PDE7B: variants seen among roughly 807,000 people sequenced by gnomAD.
PDE7B encodes the protein 3',5'-cyclic-AMP phosphodiesterase 7B.
In PDE7B, 29 loss-of-function variants were observed where a neutral mutation model predicts 56.2. The ratio of observed to expected loss-of-function variants is 0.52; its 90% CI spans 0.38 to 0.70. The LOEUF is 0.70. Ranked by LOEUF, PDE7B falls within the 30% of genes least tolerant of loss-of-function variation. The pLI is 0.00. For missense variants in PDE7B, 490 were observed against 565.0 expected (o/e 0.87, Z 1.35); for synonymous variants, 197 against 196.9 (o/e 1.00, Z 0.00).
intron 2 of PDE7B, among the ~76,000 whole-genome samples, chr6:136,053,401 T>C (rs1776669349): frequency 6.6e-6 from 1 of 152,148 alleles, no homozygotes; most frequent in Non-Finnish European, 1.5e-5. Flanking sequence ...TCATTTTTTA[T>C]GGCTGCATAG....
intron 1 of PDE7B, among the ~76,000 whole-genome samples, chr6:135,912,844 AAG>A (rs1368737692): frequency 6.6e-6 from 1 of 152,154 alleles, no homozygotes; most frequent in Non-Finnish European, 1.5e-5. Flanking sequence ...TTTACAGATA[AAG>A]AATGAGGCCC....
At chr6:135,858,517 C>A (rs763871818) in intron 1 of PDE7B, among the ~76,000 whole-genome samples, 1 of 152,098 alleles carries the variant, frequency 6.6e-6, no homozygotes, top group Non-Finnish European at 1.5e-5. Context: ...TAAATTTCTC[C>A]CATGTACCTT....
chr6:136,148,135 G>A (rs753453402), intron 4 of PDE7B, among the ~76,000 whole-genome samples: 1 of 152,032 alleles, frequency 6.6e-6, no homozygotes, highest in African/African-American at 2.4e-5. Context: ...AACAGAAGTC[G>A]AAGATAGATT....
At chr6:135,925,032 T>A in intron 1 of PDE7B, among the ~76,000 whole-genome samples, 1 of 151,290 alleles carries the variant, frequency 6.6e-6, no homozygotes, top group Non-Finnish European at 1.5e-5. Flanking sequence ...GAAAATCTTG[T>A]TTCATATGAA....
intron 2 of PDE7B, among the ~76,000 whole-genome samples, chr6:136,096,681 G>GT (rs1777475787): frequency 6.6e-6 from 1 of 151,704 alleles, no homozygotes; most frequent in African/African-American, 2.4e-5. Flanking sequence ...TTATTCTTAA[G>GT]ATCAGCATAA....
At chr6:135,876,100 G>A (rs1339744124) in intron 1 of PDE7B, among the ~76,000 whole-genome samples, 1 of 152,188 alleles carries the variant, frequency 6.6e-6, no homozygotes, top group East Asian at 1.9e-4. Context: ...GGAGGGAGAA[G>A]AAAGGAATAT....
chr6:136,155,162 C>A (rs1021807583), intron 7 of PDE7B, among the ~76,000 whole-genome samples: 7 of 152,190 alleles, frequency 4.6e-5, no homozygotes, highest in Non-Finnish European at 1.0e-4. Flanking sequence ...GCAGATCTTG[C>A]AAGTCGGCCC....
intron 2 of PDE7B, among the ~76,000 whole-genome samples, chr6:135,982,114 C>G (rs1341642850): frequency 2.0e-5 from 3 of 152,162 alleles, no homozygotes; most frequent in Non-Finnish European, 4.4e-5. Flanking sequence ...CTGACCCCCC[C>G]TCTTTCTAGG....
At chr6:135,865,392 C>T (rs367958530) in intron 1 of PDE7B, among the ~76,000 whole-genome samples, 38 of 152,102 alleles carry the variant, frequency 2.5e-4, no homozygotes, top group African/African-American at 6.8e-4. Flanking sequence ...TGATATTCTT[C>T]GGTCTTAAAA....
chr6:135,954,848 G>A (rs1229593502), intron 2 of PDE7B, among the ~76,000 whole-genome samples: 5 of 152,148 alleles, frequency 3.3e-5, no homozygotes, highest in African/African-American at 1.2e-4. Context: ...CTTGAAGGTT[G>A]CTTTCTGTGG....
intron 8 of PDE7B, among the ~76,000 whole-genome samples, chr6:136,163,755 C>T (rs1199397356): frequency 6.6e-6 from 1 of 152,200 alleles, no homozygotes. Context: ...GTTCAAAGTT[C>T]CACTGATCTC....
chr6:136,080,812 A>G (rs1777194513), intron 2 of PDE7B, among the ~76,000 whole-genome samples: 1 of 152,224 alleles, frequency 6.6e-6, no homozygotes, highest in Non-Finnish European at 1.5e-5. Flanking sequence ...GTCCTTAAGG[A>G]GCTCTAAGGA....
At chr6:136,139,134 A>C (rs904886244) in intron 3 of PDE7B, among the ~76,000 whole-genome samples, 4 of 152,080 alleles carry the variant, frequency 2.6e-5, no homozygotes, top group Admixed American at 6.5e-5. Context: ...CCGACGCCAC[A>C]ACAGGCCCCA....
At chr6:135,900,118 AC>A (rs758418183) in intron 1 of PDE7B, among the ~76,000 whole-genome samples, 2 of 152,072 alleles carry the variant, frequency 1.3e-5, no homozygotes, top group African/African-American at 2.4e-5. Context: ...TTTTAAAAAA[AC>A]ATTATCTTTT....
At chr6:136,051,070 C>A (rs1776617059) in intron 2 of PDE7B, among the ~76,000 whole-genome samples, 1 of 150,746 alleles carries the variant, frequency 6.6e-6, no homozygotes. Context: ...AAATAAGATC[C>A]TACTCTGAAC....
chr6:135,926,235 C>T lies in PDE7B; in HGVS notation c.22-21229C>T, dbSNP rs574263629. Among the ~76,000 whole-genome samples the T allele has an allele frequency of 5.5e-4, 83 of 151,942 alleles. No individual in the cohort carries two copies. In the East Asian group the frequency reaches 9.3e-3, roughly 17 times the overall value. On this transcript the variant is annotated intron_variant, in intron 1 of 12. Coordinates refer to ENST00000308191, the MANE Select transcript of PDE7B (RefSeq NM_018945.4). Reference sequence around the variant, plus strand: ...CCGAGCAGCTGGGACTACAGGCACCCGCCACCACGCCCAGCTAATTTTTTT... The same window carrying T: ...CCGAGCAGCTGGGACTACAGGCACCTGCCACCACGCCCAGCTAATTTTTTT...
chr6:136,161,039 C>T (rs1778694692), intron 8 of PDE7B, among the ~76,000 whole-genome samples: 1 of 152,170 alleles, frequency 6.6e-6, no homozygotes. Flanking sequence ...GATCTTCACA[C>T]CCATGCTCTT....
intron 3 of PDE7B, among the ~76,000 whole-genome samples, chr6:136,111,321 T>C (rs1161766106): frequency 6.6e-6 from 1 of 152,182 alleles, no homozygotes; most frequent in Non-Finnish European, 1.5e-5. Flanking sequence ...TTAAAGGGTC[T>C]CCTCGAAAAC....
chr6:136,040,639 G>A (rs946837228), intron 2 of PDE7B, among the ~76,000 whole-genome samples: 2 of 152,154 alleles, frequency 1.3e-5, no homozygotes, highest in Non-Finnish European at 1.5e-5. Context: ...CCTGCACAGA[G>A]GCAGAGGTTT....
Sources: allele counts gnomAD v4.1 joint callset (sites outside exome capture counted in the v4.1 genomes callset), GRCh38; gene constraint gnomAD v4.1.1; transcripts MANE v1.5; gene names NCBI Gene and HGNC (gene_info 2026-07-23, HGNC 2026-07-21).